OXSR1: variants seen among roughly 807,000 people sequenced by gnomAD.
The protein encoded by OXSR1 is serine/threonine-protein kinase OSR1.
OXSR1 carries 24 observed loss-of-function variants against 79.8 expected under a neutral mutation model. That is an observed-to-expected ratio of 0.30 (90% CI 0.22 to 0.42). The LOEUF (loss-of-function observed/expected upper bound fraction) is 0.42. Ranked by LOEUF, OXSR1 falls within the 10% of genes least tolerant of loss-of-function variation. OXSR1 has a pLI of 1.00. For missense variants in OXSR1, 430 were observed against 618.4 expected (o/e 0.70, Z 3.23); for synonymous variants, 226 against 209.2 (o/e 1.08, Z -0.69).
chr3:38,183,265 G>T, intron 2 of OXSR1, 150 bp downstream of exon 2: 4 of 425,188 alleles, frequency 9.4e-6, no homozygotes, highest in Non-Finnish European at 1.6e-5. Context: ...AATTTATAAA[G>T]TCTGGATAAG....
At chr3:38,212,387 T>TG (rs1702405467) in intron 4 of OXSR1, among the ~76,000 whole-genome samples, 2 of 152,192 alleles carry the variant, frequency 1.3e-5, no homozygotes, top group African/African-American at 4.8e-5. Context: ...CTTCTAGGAT[T>TG]TAGAGGTTTT....
intron 5 of OXSR1, among the ~76,000 whole-genome samples, chr3:38,216,731 A>G (rs1377151320): frequency 6.6e-6 from 1 of 152,156 alleles, no homozygotes; most frequent in Non-Finnish European, 1.5e-5. Flanking sequence ...CATCTGAGAA[A>G]ACCTCAGCTT....
chr3:38,177,194 C>T (rs149112111), intron 1 of OXSR1, among the ~76,000 whole-genome samples: 220 of 152,304 alleles, frequency 1.4e-3, no homozygotes, highest in African/African-American at 5.1e-3. Flanking sequence ...GATTTGTGAC[C>T]AGCATGATTA....
intron 1 of OXSR1, among the ~76,000 whole-genome samples, chr3:38,175,597 G>T (rs957169011): frequency 6.6e-6 from 1 of 152,160 alleles, no homozygotes; most frequent in South Asian, 2.1e-4. Flanking sequence ...CACAATGCCC[G>T]GCCCTACGTT....
chr3:38,216,242 G>A, intron 5 of OXSR1, 91 bp downstream of exon 5: 1 of 823,590 alleles, frequency 1.2e-6, no homozygotes, highest in Non-Finnish European at 2.0e-6. Context: ...ATTCTCTCCT[G>A]TTCCCTGGAC....
intron 1 of OXSR1, among the ~76,000 whole-genome samples, chr3:38,169,973 C>T (rs899447896): frequency 7.3e-5 from 11 of 151,564 alleles, no homozygotes; most frequent in African/African-American, 2.7e-4. Flanking sequence ...CTCAAGCGAT[C>T]TGCCTGCCTC....
intron 1 of OXSR1, among the ~76,000 whole-genome samples, chr3:38,168,328 T>G (rs935526129): frequency 6.6e-6 from 1 of 152,146 alleles, no homozygotes; most frequent in Non-Finnish European, 1.5e-5. Context: ...CCGTGAGATC[T>G]CTTGTGCTTT....
intron 2 of OXSR1, among the ~76,000 whole-genome samples, chr3:38,185,511 G>T (rs1701868231): frequency 6.6e-6 from 1 of 152,208 alleles, no homozygotes; most frequent in Non-Finnish European, 1.5e-5. Context: ...ACTTGAACCT[G>T]GGAGGCAGAG....
At chr3:38,203,143 T>TG (rs761138938) in intron 4 of OXSR1, among the ~76,000 whole-genome samples, 2 of 152,212 alleles carry the variant, frequency 1.3e-5, no homozygotes, top group Non-Finnish European at 2.9e-5. Context: ...GTGAAAGTCT[T>TG]GAAGTCTTTG....
chr3:38,177,167 G>A (rs1701690148), intron 1 of OXSR1, among the ~76,000 whole-genome samples: 1 of 152,222 alleles, frequency 6.6e-6, no homozygotes, highest in African/African-American at 2.4e-5. Context: ...TGTGACTTGA[G>A]AAATGCCTTT....
intron 1 of OXSR1, among the ~76,000 whole-genome samples, chr3:38,180,150 G>A (rs1701754590): frequency 6.6e-6 from 1 of 152,064 alleles, no homozygotes; most frequent in African/African-American, 2.4e-5. Context: ...CTCCATGTTG[G>A]CCAGCCTGGT....
intron 1 of OXSR1, among the ~76,000 whole-genome samples, chr3:38,167,661 A>G (rs184111437): frequency 2.6e-5 from 4 of 152,354 alleles, no homozygotes; most frequent in Admixed American, 2.0e-4. Context: ...CGGACTAAAT[A>G]AAGACATCAC....
intron 10 of OXSR1, among the ~76,000 whole-genome samples, chr3:38,230,850 T>C (rs1702790300): frequency 6.6e-6 from 1 of 152,228 alleles, no homozygotes; most frequent in Non-Finnish European, 1.5e-5. Flanking sequence ...TTGGTCATGA[T>C]GTGAGCATAC....
intron 1 of OXSR1, among the ~76,000 whole-genome samples, chr3:38,179,409 C>T (rs1486417032): frequency 1.3e-5 from 2 of 152,108 alleles, no homozygotes; most frequent in Non-Finnish European, 2.9e-5. Context: ...TCAAGCAGTC[C>T]TCCCGCCTTG....
intron 12 of OXSR1, among the ~76,000 whole-genome samples, 154 bp from the exon 13 acceptor site, chr3:38,245,921 C>T (rs555181836): frequency 1.3e-5 from 2 of 152,110 alleles, no homozygotes; most frequent in Non-Finnish European, 2.9e-5. Flanking sequence ...ATTTGACTTC[C>T]GTTTGGAATA....
chr3:38,238,945 T>C (rs1179853996), intron 11 of OXSR1, among the ~76,000 whole-genome samples: 1 of 152,140 alleles, frequency 6.6e-6, no homozygotes, highest in Non-Finnish European at 1.5e-5. Context: ...CGAAGTTGTC[T>C]CACAGCCCAC....
chr3:38,173,384 T>A (rs1318928469), intron 1 of OXSR1, among the ~76,000 whole-genome samples: 1 of 152,184 alleles, frequency 6.6e-6, no homozygotes, highest in African/African-American at 2.4e-5. Context: ...GCCTACTGAT[T>A]AAGAGCATAA....
chr3:38,233,240 CATATCACTT>C (rs1195394780), intron 10 of OXSR1, among the ~76,000 whole-genome samples: 2 of 152,178 alleles, frequency 1.3e-5, no homozygotes. Context: ...AGAATCTATC[CATATCACTT>C]CATTCAACTC....
intron 5 of OXSR1, among the ~76,000 whole-genome samples, chr3:38,217,950 T>C (rs59216646): frequency 1.1e-3 from 172 of 152,340 alleles, no homozygotes; most frequent in African/African-American, 4.1e-3. Context: ...ATTTCATTAC[T>C]TTTTAAAGCT....
Sources: gnomAD v4.1 joint callset for allele counts (sites outside exome capture counted in the v4.1 genomes callset) on GRCh38, gnomAD v4.1.1 for gene constraint, MANE v1.5 for transcripts, NCBI Gene and HGNC (gene_info 2026-07-23, HGNC 2026-07-21) for gene names.